The following PCTP variants were observed in gnomAD, a reference collection of about 807,000 sequenced individuals.
PCTP encodes phosphatidylcholine transfer protein, also known as START domain-containing protein 2.
In PCTP, 27 loss-of-function variants were observed where a neutral mutation model predicts 31.0. The observed-to-expected ratio is 0.87, with a 90% CI of 0.64 to 1.20. The LOEUF is 1.20. PCTP is among the 50% of genes most tolerant of loss of function. The pLI is 0.00. For missense variants in PCTP, 287 were observed against 268.2 expected (o/e 1.07, Z -0.49); for synonymous variants, 108 against 101.2 (o/e 1.07, Z -0.40).
chr17:55,766,756 T>C (rs1373438675), intron 1 of PCTP, among the ~76,000 whole-genome samples: 5 of 152,164 alleles, frequency 3.3e-5, no homozygotes, highest in African/African-American at 1.2e-4. Context: ...GCATGATTTA[T>C]AGTCCTTTGG....
At chr17:55,784,427 G>A (rs984005559) in intron 2 of PCTP, among the ~76,000 whole-genome samples, 7 of 152,048 alleles carry the variant, frequency 4.6e-5, no homozygotes, top group African/African-American at 1.7e-4. Flanking sequence ...CATGGCACAA[G>A]CTCAACCAAT....
At position 55,773,727 on chromosome 17, in the gene PCTP, G is replaced by GT; in HGVS notation, c.344dup (p.Tyr116LeufsTer49). The GT allele has an allele frequency of 6.2e-7, 1 of 1,610,574 alleles. No individual in the cohort carries two copies. Among genetic ancestry groups the GT allele is most frequent in the Non-Finnish European group, 8.5e-7 (1 of 1,177,450 alleles). ...CTTGCCTTAACTGGCTATGCAGTAT[G>GT]TCTACCTTCGGCAGCGGCGAGACCT... On this transcript the variant is annotated frameshift_variant, in exon 4 of 6. Coordinates refer to ENST00000268896, the MANE Select transcript of PCTP (RefSeq NM_021213.4). LOFTEE classifies it high-confidence loss of function.
At chr17:55,751,374 C>A (rs757387007) in intron 1 of PCTP, 130 bp downstream of exon 1, 1 of 1,531,946 alleles carries the variant, frequency 6.5e-7, no homozygotes, top group Non-Finnish European at 8.7e-7. Flanking sequence ...AGGAGCTCCG[C>A]CCGGACCCTG....
intron 2 of PCTP, among the ~76,000 whole-genome samples, chr17:55,786,820 T>G (rs943980151): frequency 6.6e-6 from 1 of 152,164 alleles, no homozygotes; most frequent in Non-Finnish European, 1.5e-5. Flanking sequence ...TGTGGCTCCC[T>G]CTCCACCGTT....
chr17:55,769,443 C>T (rs1910859587), intron 2 of PCTP: 2 of 152,220 alleles, frequency 1.3e-5, no homozygotes, highest in Admixed American at 1.3e-4. Context: ...CAATAAGACC[C>T]ACATGTGGCT....
chr17:55,807,791 A>G (rs867299404), intron 3 of PCTP, among the ~76,000 whole-genome samples: 2 of 152,228 alleles, frequency 1.3e-5, no homozygotes, highest in African/African-American at 4.8e-5. Context: ...CGAGACTACC[A>G]TGGAATTCAC....
chr17:55,851,749 C>T, the PCTP span, among the ~76,000 whole-genome samples: 1 of 152,016 alleles, frequency 6.6e-6, no homozygotes, highest in Non-Finnish European at 1.5e-5. Context: ...ATATTTTAAC[C>T]ACACTAAATG....
chr17:55,840,389 C>T (rs190379835), intron 5 of PCTP, among the ~76,000 whole-genome samples: 354 of 152,270 alleles, frequency 2.3e-3, no homozygotes, highest in African/African-American at 8.3e-3. Flanking sequence ...TGTATAATTC[C>T]AATCCACAGT....
downstream of PCTP, among the ~76,000 whole-genome samples, chr17:55,847,752 T>TC (rs977960134): frequency 2.0e-5 from 3 of 152,114 alleles, no homozygotes; most frequent in African/African-American, 7.2e-5. Context: ...CAGGAAGAGT[T>TC]CCCCCTTGTT....
intron 5 of PCTP, among the ~76,000 whole-genome samples, chr17:55,835,186 C>T (rs1905738498): frequency 6.6e-6 from 1 of 152,170 alleles, no homozygotes; most frequent in South Asian, 2.1e-4. Flanking sequence ...GCATGACCCA[C>T]CAGCACCTCG....
chr17:55,819,599 CA>C (rs1913048113), intron 3 of PCTP, among the ~76,000 whole-genome samples: 1 of 150,188 alleles, frequency 6.7e-6, no homozygotes, highest in Non-Finnish European at 1.5e-5. Flanking sequence ...AATAAATAAA[CA>C]AAAAATTAGC....
At chr17:55,846,592 T>C (rs1598028502), downstream of PCTP, among the ~76,000 whole-genome samples, 2 of 152,150 alleles carry the variant, frequency 1.3e-5, no homozygotes, top group Admixed American at 6.5e-5. Context: ...GTGTGGTACA[T>C]CATGTGTAAG....
At chr17:55,795,985 G>A (rs8070610) in intron 3 of PCTP, among the ~76,000 whole-genome samples, 32,535 of 151,902 alleles carry the variant, frequency 0.21, 4,137 homozygotes, top group African/African-American at 0.36. Context: ...TGATAGAGAT[G>A]AAGGATCAAC....
chr17:55,839,794 C>T (rs1905903693), intron 5 of PCTP, among the ~76,000 whole-genome samples: 1 of 149,186 alleles, frequency 6.7e-6, no homozygotes, highest in Non-Finnish European at 1.5e-5. Context: ...GTGGCGGGCG[C>T]CTGTAGTCCC....
chr17:55,840,526 T>C (rs1198510987), intron 5 of PCTP, among the ~76,000 whole-genome samples: 1 of 152,248 alleles, frequency 6.6e-6, no homozygotes. Context: ...ATCCGTGATT[T>C]TGTTTTCCAT....
chr17:55,792,256 T>C (rs1280649646), intron 3 of PCTP, among the ~76,000 whole-genome samples: 3 of 150,018 alleles, frequency 2.0e-5, no homozygotes, highest in Non-Finnish European at 4.4e-5. Flanking sequence ...TGTATACATA[T>C]GTAACTAACC....
intron 3 of PCTP, among the ~76,000 whole-genome samples, chr17:55,799,362 G>A (rs1309843851): frequency 6.6e-6 from 1 of 151,294 alleles, no homozygotes; most frequent in Non-Finnish European, 1.5e-5. Context: ...CAGAGGCTAG[G>A]ATTGCAGTCC....
chr17:55,766,818 A>T (rs1250218314), intron 1 of PCTP, among the ~76,000 whole-genome samples: 2 of 151,766 alleles, frequency 1.3e-5, no homozygotes, highest in Non-Finnish European at 2.9e-5. Flanking sequence ...CTAGTTCTAG[A>T]TCCCTGAGGA....
At chr17:55,809,863 T>G (rs1377415324) in intron 3 of PCTP, among the ~76,000 whole-genome samples, 1 of 152,176 alleles carries the variant, frequency 6.6e-6, no homozygotes, top group East Asian at 1.9e-4. Context: ...TTTTTGCATT[T>G]TGTGTGTGTG....
Sources: gnomAD v4.1 joint callset for allele counts (sites outside exome capture counted in the v4.1 genomes callset) on GRCh38, gnomAD v4.1.1 for gene constraint, MANE v1.5 for transcripts, NCBI Gene and HGNC (gene_info 2026-07-23, HGNC 2026-07-21) for gene names.